The following KIAA1217 variants were observed in gnomAD, a reference collection of about 807,000 sequenced individuals.
KIAA1217 encodes the protein sickle tail protein homolog.
In KIAA1217, 88 loss-of-function variants were observed where a neutral mutation model predicts 163.9. The observed-to-expected ratio is 0.54, with a 90% CI of 0.45 to 0.64. KIAA1217 has a LOEUF of 0.64. Among genes scored for constraint, KIAA1217 ranks in the 30% least tolerant of loss-of-function variants. The pLI, the probability that KIAA1217 is intolerant of heterozygous loss-of-function variation, is 0.00. For synonymous variants in KIAA1217, 903 were observed against 923.1 expected (o/e 0.98, Z 0.39); for missense variants, 2,372 against 2,475.0 (o/e 0.96, Z 0.88).
At chr10:24,143,047 G>A (rs11594929) in intron 2 of KIAA1217, among the ~76,000 whole-genome samples, 1,634 of 152,326 alleles carry the variant, frequency 0.011, 16 homozygotes, top group South Asian at 0.018. Flanking sequence ...GTTGTCTCAC[G>A]TAGATTCTTT....
At chr10:24,352,084 G>A (rs553109616) in intron 2 of KIAA1217, among the ~76,000 whole-genome samples, 2 of 152,336 alleles carry the variant, frequency 1.3e-5, no homozygotes, top group South Asian at 2.1e-4. Flanking sequence ...AGTGTTGGCC[G>A]TCAGCGTGGC....
At chr10:23,752,256 G>A (rs1839776747) in intron 1 of KIAA1217, among the ~76,000 whole-genome samples, 1 of 152,152 alleles carries the variant, frequency 6.6e-6, no homozygotes, top group South Asian at 2.1e-4. Flanking sequence ...GTGGGAGGGG[G>A]ATTTAATGAA....
chr10:23,966,365 G>A (rs1314245985), intron 1 of KIAA1217, among the ~76,000 whole-genome samples: 2 of 152,128 alleles, frequency 1.3e-5, no homozygotes, highest in Non-Finnish European at 2.9e-5. Context: ...GTCTCTAAGA[G>A]AGCACTGTTT....
chr10:24,410,869 T>C (rs2057706649), intron 3 of KIAA1217, among the ~76,000 whole-genome samples: 1 of 152,232 alleles, frequency 6.6e-6, no homozygotes, highest in African/African-American at 2.4e-5. Context: ...TGTAACTCTT[T>C]TTCCCCCCAA....
chr10:24,530,729 T>A (rs1242673370), intron 14 of KIAA1217, among the ~76,000 whole-genome samples: 2 of 151,938 alleles, frequency 1.3e-5, no homozygotes, highest in Non-Finnish European at 2.9e-5. Flanking sequence ...GAGACCCCCC[T>A]CTTTACAAAA....
At chr10:24,453,381 C>A (rs1316314410) in intron 5 of KIAA1217, among the ~76,000 whole-genome samples, 1 of 152,128 alleles carries the variant, frequency 6.6e-6, no homozygotes, top group Non-Finnish European at 1.5e-5. Flanking sequence ...TAAAAGAGAA[C>A]CAGAAATCCT....
chr10:24,381,590 C>T (rs536186630), intron 3 of KIAA1217, among the ~76,000 whole-genome samples: 10 of 152,154 alleles, frequency 6.6e-5, no homozygotes, highest in Non-Finnish European at 1.0e-4. Context: ...CCTGATGATC[C>T]GAGATGGAGC....
chr10:24,381,289 G>T (rs2134824225), intron 3 of KIAA1217, among the ~76,000 whole-genome samples: 1 of 152,258 alleles, frequency 6.6e-6, no homozygotes, highest in African/African-American at 2.4e-5. Context: ...TTTCAGAAGT[G>T]GTTGGGATTA....
At position 24,473,674 on chromosome 10, in the gene KIAA1217, A is replaced by G. The variant is rs377237223; in HGVS notation, c.1293A>G (p.Ser431=). Reference sequence around the variant, plus strand: ...CATATCACCGCACCGCCATCCGGTCAGCGAGTGCTTATTGTAACCCCTCAA... The same window carrying G: ...CATATCACCGCACCGCCATCCGGTCGGCGAGTGCTTATTGTAACCCCTCAA... ...IIAYHRTAIR[S]ASAYCNPSMQ... is the part of the protein sequence containing the mutation. The change falls in exon 6 of 21, where the codon TCA becomes TCG. Residue 431 remains serine, a synonymous_variant. Coordinates refer to ENST00000376454, the MANE Select transcript of KIAA1217 (RefSeq NM_019590.5). 2 of 1,614,032 alleles carry G rather than the reference A, an allele frequency of 1.2e-6. No homozygotes were observed. The highest frequency in any genetic ancestry group is 2.7e-5 in the African/African-American group (2 of 74,914).
intron 1 of KIAA1217, among the ~76,000 whole-genome samples, chr10:23,904,938 T>A (rs2131254202): frequency 6.6e-6 from 1 of 151,536 alleles, no homozygotes; most frequent in South Asian, 2.1e-4. Context: ...TGGACACCAG[T>A]CCTCTAATTC....
Position 24,448,253 on chromosome 10 carries a change from G to T in KIAA1217, c.846+9774G>T, listed in dbSNP as rs76276822. ...ATCTAACCTTTTTTTGCGTGGGGGG[G>T]GCTGGAGTTTTCAGGAGTTGAATTC... On this transcript the variant is annotated intron_variant, in intron 5 of 20. Transcript: ENST00000376454. 2.0e-3 allele frequency among the ~76,000 whole-genome samples: 300 copies of T among 152,038 alleles called. 8 individuals carry two copies. The East Asian group carries it at 0.052, about 26-fold the overall frequency.
intron 2 of KIAA1217, among the ~76,000 whole-genome samples, chr10:24,265,540 A>G (rs1564369870): frequency 6.6e-6 from 1 of 152,110 alleles, no homozygotes; most frequent in Non-Finnish European, 1.5e-5. Context: ...GGTGCAACTC[A>G]GAGTTGGAAG....
chr10:23,818,002 T>TACAC (rs1214729376), intron 1 of KIAA1217, among the ~76,000 whole-genome samples: 8 of 103,712 alleles, frequency 7.7e-5, no homozygotes, highest in African/African-American at 3.2e-4. Context: ...TATATATATA[T>TACAC]ATATATACAC....
intron 1 of KIAA1217, among the ~76,000 whole-genome samples, chr10:23,740,742 T>A (rs986524637): frequency 3.9e-5 from 6 of 151,930 alleles, no homozygotes; most frequent in Admixed American, 2.0e-4. Context: ...TCCTAAAGTT[T>A]TCTTCTAGAC....
intron 2 of KIAA1217, among the ~76,000 whole-genome samples, chr10:24,175,995 G>C (rs192947470): frequency 6.6e-6 from 1 of 152,286 alleles, no homozygotes; most frequent in Non-Finnish European, 1.5e-5. Flanking sequence ...CACTGTGGAA[G>C]GGGACCCAAG....
intron 2 of KIAA1217, among the ~76,000 whole-genome samples, chr10:24,090,332 C>CTTTTTTTTTTTTTTT (rs35966270): frequency 8.5e-5 from 5 of 58,936 alleles, no homozygotes; most frequent in African/African-American, 5.9e-4. Context: ...ACATCCTGCT[C>CTTTTTTTTTTTTTTT]TTTTTTTTTT....
rs191046789 is a variant in KIAA1217 at position 23,916,169 on chromosome 10, G to A, written c.-320-91056G>A. Among the ~76,000 whole-genome samples, 246 of 152,268 alleles carry A rather than the reference G, an allele frequency of 1.6e-3. 1 individual carries two copies. The highest frequency in any genetic ancestry group is 3.3e-3 in the Admixed American group (51 of 15,280). On this transcript the variant is annotated intron_variant, in intron 1 of 18. Transcript: ENST00000376462. ...CAAGGAAAAAATTAAACTGAAAGCA[G>A]CCTTCTAGATTGACTGATGTCCAAT...
intron 2 of KIAA1217, among the ~76,000 whole-genome samples, chr10:24,330,161 G>A (rs1247954618): frequency 5.3e-5 from 8 of 152,042 alleles, no homozygotes; most frequent in East Asian, 3.9e-4. Flanking sequence ...TTAGCCAGGC[G>A]TGGTGGCGTG....
At chr10:23,855,509 C>T (rs568271187) in intron 1 of KIAA1217, among the ~76,000 whole-genome samples, 34 of 152,172 alleles carry the variant, frequency 2.2e-4, no homozygotes, top group South Asian at 6.2e-4. Context: ...TTGCTCTTCT[C>T]GAGGAGTATC....
Sources: allele counts gnomAD v4.1 joint callset (sites outside exome capture counted in the v4.1 genomes callset), GRCh38; gene constraint gnomAD v4.1.1; transcripts MANE v1.5; gene names NCBI Gene and HGNC (gene_info 2026-07-23, HGNC 2026-07-21).